PPP6R2: variants seen among roughly 807,000 people sequenced by gnomAD.
The protein encoded by PPP6R2 is protein phosphatase 6 regulatory subunit 2.
PPP6R2 carries 62 observed loss-of-function variants against 100.2 expected under a neutral mutation model. The ratio of observed to expected loss-of-function variants is 0.62; its 90% CI spans 0.50 to 0.76. The LOEUF is 0.76. PPP6R2 is among the 30% of genes least tolerant of loss of function. PPP6R2 has a pLI of 0.00. For synonymous variants in PPP6R2, 525 were observed against 514.7 expected (o/e 1.02, Z -0.27); for missense variants, 1,142 against 1,276.3 (o/e 0.89, Z 1.60).
At chr22:50,338,545 G>A (rs560875428), upstream of PPP6R2, among the ~76,000 whole-genome samples, 35 of 128,456 alleles carry the variant, frequency 2.7e-4, no homozygotes, top group South Asian at 5.9e-4. Context: ...AGGGTGTGTG[G>A]TGTGTGTGGT....
chr22:50,355,555 C>G (rs1038874363), intron 1 of PPP6R2, among the ~76,000 whole-genome samples: 2 of 140,502 alleles, frequency 1.4e-5, no homozygotes, highest in Non-Finnish European at 1.5e-5. Flanking sequence ...GAGTCTCGCT[C>G]TGTCGCCCAG....
chr22:50,409,719 C>T (rs2059475323), intron 4 of PPP6R2, among the ~76,000 whole-genome samples: 1 of 152,122 alleles, frequency 6.6e-6, no homozygotes, highest in Non-Finnish European at 1.5e-5. Context: ...AGCCACCGCG[C>T]CCGGCCGACG....
Position 50,431,413 on chromosome 22 carries a change from G to T in PPP6R2, c.1335+31G>T, listed in dbSNP as rs778971846. ...TCCAAGAAGCATCCATCTTATCAGC[G>T]CCAACTGCGCCCCACTCAGACCGTG... is the stretch of plus-strand genomic sequence containing the variant. On this transcript the variant is annotated intron_variant, in intron 11 of 23. Coordinates refer to ENST00000612753, the MANE Select transcript of PPP6R2 (RefSeq NM_001242898.2). The surrounding 1 kb of genome is among the most constrained non-coding windows in gnomAD (Gnocchi z 4.8). 5.9e-5 allele frequency: 93 copies of T among 1,580,888 alleles called. No homozygotes were observed. Among genetic ancestry groups the T allele is most frequent in the Non-Finnish European group, 7.9e-5 (91 of 1,157,908 alleles).
chr22:50,351,552 T>C lies in PPP6R2; in HGVS notation c.-148+8002T>C, dbSNP rs1050604192. On this transcript the variant is annotated intron_variant, in intron 1 of 23. Coordinates refer to ENST00000612753, the MANE Select transcript of PPP6R2 (RefSeq NM_001242898.2). ...GTATTGAAAAATCTGTTGTTTGCCA[T>C]AGCCTCCTTCATCAATTGTCCTAGC... Among the ~76,000 whole-genome samples the C allele has an allele frequency of 4.6e-5, 7 of 151,962 alleles. 1 individual carries two copies. The highest frequency in any genetic ancestry group is 3.3e-4 in the Admixed American group (5 of 15,244).
chr22:50,414,105 A>G (rs1429369019), intron 4 of PPP6R2, among the ~76,000 whole-genome samples: 2 of 152,150 alleles, frequency 1.3e-5, no homozygotes, highest in Non-Finnish European at 2.9e-5. Context: ...GGTTTTGGTC[A>G]GCAGCTGGCG....
chr22:50,376,766 GC>G (rs1421387262), intron 2 of PPP6R2, among the ~76,000 whole-genome samples: 1 of 152,112 alleles, frequency 6.6e-6, no homozygotes, highest in Admixed American at 6.6e-5. Flanking sequence ...TTGGCTGGGT[GC>G]AGTGGCTCAC....
chr22:50,349,813 C>A (rs1177035165), intron 1 of PPP6R2, among the ~76,000 whole-genome samples: 12 of 130,518 alleles, frequency 9.2e-5, no homozygotes, highest in East Asian at 4.3e-4. Flanking sequence ...GAAACTCCAT[C>A]TTAAAAAAAA....
chr22:50,351,646 T>G (rs541251567), intron 1 of PPP6R2, among the ~76,000 whole-genome samples: 1 of 152,182 alleles, frequency 6.6e-6, no homozygotes, highest in East Asian at 1.9e-4. Flanking sequence ...TTTTGTTTTT[T>G]GTTTTGAAAT....
intron 6 of PPP6R2, among the ~76,000 whole-genome samples, chr22:50,417,405 C>T (rs1446521888): frequency 3.9e-5 from 6 of 152,096 alleles, no homozygotes; most frequent in African/African-American, 1.4e-4. Context: ...GCTAGGGGCC[C>T]CCTAGGAGCC....
At chr22:50,363,128 T>C (rs1286374087) in intron 1 of PPP6R2, among the ~76,000 whole-genome samples, 1 of 152,224 alleles carries the variant, frequency 6.6e-6, no homozygotes, top group Non-Finnish European at 1.5e-5. Context: ...TCACTTCTTG[T>C]AGAAGCAGAC....
chr22:50,355,822 A>G (rs1373458743), intron 1 of PPP6R2, among the ~76,000 whole-genome samples: 2 of 150,496 alleles, frequency 1.3e-5, no homozygotes, highest in Non-Finnish European at 3.0e-5. Flanking sequence ...CGCCTGGCAC[A>G]GCCTTATTCT....
chr22:50,333,125 T>A, the PPP6R2 span, among the ~76,000 whole-genome samples: 1 of 152,004 alleles, frequency 6.6e-6, no homozygotes, highest in Non-Finnish European at 1.5e-5. Context: ...GGTAACAGAG[T>A]GAGACCTCAT....
chr22:50,392,281 T>C (rs1267940036), intron 2 of PPP6R2, among the ~76,000 whole-genome samples: 1 of 151,092 alleles, frequency 6.6e-6, no homozygotes, highest in African/African-American at 2.4e-5. Context: ...GAGGGCAGAT[T>C]GCTTGAGCTC....
chr22:50,396,064 G>A (rs895407100), intron 3 of PPP6R2, among the ~76,000 whole-genome samples: 7 of 149,658 alleles, frequency 4.7e-5, no homozygotes, highest in African/African-American at 1.2e-4. Flanking sequence ...GCGTAGTGGC[G>A]CACGCCTGTA....
chr22:50,358,384 A>C (rs1405270176), intron 1 of PPP6R2, among the ~76,000 whole-genome samples: 2 of 152,204 alleles, frequency 1.3e-5, no homozygotes, highest in African/African-American at 4.8e-5. Context: ...TGTCTTAAGA[A>C]AATTTTGCCT....
At chr22:50,371,509 A>G (rs1334346061) in intron 1 of PPP6R2, among the ~76,000 whole-genome samples, 1 of 152,186 alleles carries the variant, frequency 6.6e-6, no homozygotes, top group Non-Finnish European at 1.5e-5. Context: ...AAAAAAGAAA[A>G]AAAAAAGAAA....
chr22:50,438,247 T>A lies in PPP6R2; in HGVS notation c.1913T>A (p.Ile638Asn), dbSNP rs1449304896. 6.2e-7 allele frequency: 1 copy of A among 1,613,748 alleles called. No individual in the cohort carries two copies. Among genetic ancestry groups the A allele is most frequent in the Non-Finnish European group, 8.5e-7 (1 of 1,179,978 alleles). ...QPFDDDEDED[I>N]WEDSDTRCAA... is the part of the protein sequence containing the mutation. ...TTTGATGATGATGAGGACGAGGACATCTGGGAGGACAGTGACACTCGCTGT... is the reference window on the plus strand; with the variant it reads ...TTTGATGATGATGAGGACGAGGACAACTGGGAGGACAGTGACACTCGCTGT... The change falls in exon 18 of 24, where the codon ATC becomes AAC. Residue 638 changes from isoleucine (I) to asparagine (N), a missense_variant. Physicochemically the swap from Ile to Asn is moderately radical, Grantham distance 149. Around this residue, in one of 2 missense-constraint regions of PPP6R2, gnomAD observed 550 missense variants for 517.4 expected, o/e 1.06. Transcript: ENST00000612753.
intron 1 of PPP6R2, among the ~76,000 whole-genome samples, chr22:50,371,682 C>A (rs1324387556): frequency 2.4e-4 from 36 of 152,050 alleles, no homozygotes; most frequent in African/African-American, 8.7e-4. Context: ...TCTGGTCACC[C>A]AGGCTGGAGT....
upstream of PPP6R2, among the ~76,000 whole-genome samples, chr22:50,338,422 G>A (rs988914871): frequency 5.4e-5 from 7 of 129,626 alleles, no homozygotes; most frequent in African/African-American, 9.3e-5. Context: ...GTGTGTGTAG[G>A]GTGTGTGGTG....
Sources: gnomAD v4.1 joint callset for allele counts (sites outside exome capture counted in the v4.1 genomes callset) on GRCh38, gnomAD v4.1.1 for gene constraint, gnomAD v4.1.1 regional missense constraint, Gnocchi (gnomAD v3.1) non-coding constraint, MANE v1.5 for transcripts, NCBI Gene and HGNC (gene_info 2026-07-23, HGNC 2026-07-21) for gene names.